Variants in IPO8 observed in about 807,000 individuals in gnomAD.
IPO8 encodes importin 8.
Under a neutral mutation model 141.2 loss-of-function variants are expected in IPO8, and 65 were observed. The observed-to-expected ratio is 0.46, with a 90% CI of 0.38 to 0.57. IPO8 has a LOEUF of 0.57. Ranked by LOEUF, IPO8 falls within the 20% of genes least tolerant of loss-of-function variation. The pLI, the probability that IPO8 is intolerant of heterozygous loss-of-function variation, is 0.00. For synonymous variants in IPO8, 411 were observed against 420.3 expected (o/e 0.98, Z 0.27); for missense variants, 980 against 1,246.8 (o/e 0.79, Z 3.22).
At chr12:30,654,764 A>T (rs2052776110) in intron 17 of IPO8, among the ~76,000 whole-genome samples, 1 of 152,152 alleles carries the variant, frequency 6.6e-6, no homozygotes, top group Non-Finnish European at 1.5e-5. Context: ...GAGAGAGTAA[A>T]AACAGCCACT....
rs2052807685 is a variant in IPO8, at chr12:30,656,831, A to G, written c.1882-81T>C. On this transcript the variant is annotated intron_variant, in intron 16 of 24. Transcript: ENST00000256079. ...TAATATTGTGCCAATAAAAATATCAAGAGGACATTTTTGAGACGGTAACTT... is the reference window on the plus strand; with the variant it reads ...TAATATTGTGCCAATAAAAATATCAGGAGGACATTTTTGAGACGGTAACTT... 6 of 656,092 alleles carry G rather than the reference A, an allele frequency of 9.1e-6. No individual in the cohort carries two copies. In the East Asian group the frequency reaches 2.0e-4, roughly 22 times the overall value. The allele number at this position is 656,092 out of a possible 1,614,324, so 40.6% of individuals were successfully genotyped here.
rs750941795 is a variant in IPO8, at chr12:30,673,998, T to C, written c.901A>G (p.Ile301Val). Residue 301 changes from isoleucine to valine, a missense_variant, in exon 8 of 25, where the codon ATT (isoleucine) becomes GTT (valine). This residue lies in a region of IPO8 where 924 missense variants were observed against 1,153.9 expected (regional missense o/e 0.80). Transcript: ENST00000256079. ...EFFLKTYAVG[I>V]QQVLLKILDQ... ...AAGCATAAGTTTATTACCTGCTGAA[T>C]GCCCACTGCATAGGTTTTCAAAAAG... 7.6e-6 allele frequency: 12 copies of C among 1,568,796 alleles called. No homozygotes were observed. Among genetic ancestry groups the C allele is most frequent in the Non-Finnish European group, 1.0e-5 (12 of 1,146,308 alleles).
Position 30,637,145 on chromosome 12 carries a change from A to G in IPO8, c.2532T>C (p.Leu844=), listed in dbSNP as rs1466253699. 1.3e-5 allele frequency: 21 copies of G among 1,613,784 alleles called. No individual in the cohort carries two copies. The highest frequency in any genetic ancestry group is 1.7e-5 in the Non-Finnish European group (20 of 1,179,922). Residue 844 remains leucine, a synonymous_variant, in exon 22 of 25, where the codon CTT becomes CTC. Transcript: ENST00000256079. ...RKMCIIGLSI[L]LELQNRPPAV... ...CAGGAGGTCGATTTTGCAATTCCAA[A>G]AGGATACTCAGTCCTATTATACACA... is the stretch of plus-strand genomic sequence containing the variant.
chr12:30,663,652 A>T lies in IPO8; in HGVS notation c.1431T>A (p.Ser477=). 1 of 1,600,330 alleles carries T rather than the reference A, an allele frequency of 6.2e-7. No homozygotes were observed. Among genetic ancestry groups the T allele is most frequent in the South Asian group, 1.1e-5 (1 of 88,694 alleles). ...LSNLGYLRAR[S]CWVLHAFSSL... ...AACTAAATGCATGAAGTACCCAGCAAGACTGTATTATTAAAAAAGGTAAGT... is the reference window on the plus strand; with the variant it reads ...AACTAAATGCATGAAGTACCCAGCATGACTGTATTATTAAAAAAGGTAAGT... Residue 477 remains serine, a splice_region_variant and synonymous_variant, in exon 14 of 25, where the codon TCT becomes TCA. Coordinates refer to ENST00000256079, the MANE Select transcript of IPO8 (RefSeq NM_006390.4).
chr12:30,680,416 G>A, intron 5 of IPO8, 66 bp downstream of exon 5: 1 of 1,232,364 alleles, frequency 8.1e-7, no homozygotes, highest in South Asian at 1.5e-5. Flanking sequence ...GACACTTATT[G>A]AGCACTTTCC....
At chr12:30,657,225 T>C (rs1045042424) in intron 16 of IPO8, among the ~76,000 whole-genome samples, 4 of 152,194 alleles carry the variant, frequency 2.6e-5, no homozygotes, top group Non-Finnish European at 5.9e-5. Context: ...AAATTCCCCT[T>C]ACATAAAATT....
intron 19 of IPO8, among the ~76,000 whole-genome samples, chr12:30,650,778 T>C (rs186470184): frequency 4.3e-4 from 66 of 152,224 alleles, no homozygotes; most frequent in Admixed American, 1.4e-3. Context: ...TTAAATAGGC[T>C]CTGGAGTCAG....
intron 1 of IPO8, among the ~76,000 whole-genome samples, chr12:30,691,630 G>A (rs1024652813): frequency 2.0e-5 from 3 of 152,168 alleles, no homozygotes; most frequent in African/African-American, 7.2e-5. Context: ...ATTCCAGTGA[G>A]GCCAAACCAG....
At chr12:30,645,347 T>C (rs2052630298) in intron 20 of IPO8, among the ~76,000 whole-genome samples, 1 of 145,982 alleles carries the variant, frequency 6.9e-6, no homozygotes, top group Admixed American at 6.9e-5. Context: ...CACTCCAGCC[T>C]GGGTAACACA....
chr12:30,644,691 T>C (rs2052619716), intron 20 of IPO8, among the ~76,000 whole-genome samples: 1 of 149,774 alleles, frequency 6.7e-6, no homozygotes, highest in Non-Finnish European at 1.5e-5. Context: ...ATTTTGCTCA[T>C]CACCCAGGCT....
At chr12:30,669,922 T>C (rs1207162144) in intron 9 of IPO8, among the ~76,000 whole-genome samples, 1 of 152,192 alleles carries the variant, frequency 6.6e-6, no homozygotes, top group Non-Finnish European at 1.5e-5. Flanking sequence ...AACAACAATT[T>C]ATATAAAAAC....
rs1412942929 is a variant in IPO8 at position 30,634,121 on chromosome 12, C to A, written c.2861G>T (p.Ser954Ile). ...TGTAAAAAACTGATATTCATCCACA[C>A]TATTGTCAAGGTCAAGTGGAGTACT... The part of the protein sequence containing the change: ...GFSTPLDLDN[S>I]VDEYQFFTQA... Residue 954 changes from serine (S) to isoleucine (I), a missense_variant, in exon 23 of 25, where the codon AGT (serine) becomes ATT (isoleucine). Around this residue, in one of 3 missense-constraint regions of IPO8, gnomAD observed 924 missense variants for 1,153.9 expected, o/e 0.80. Transcript: ENST00000256079. The A allele has an allele frequency of 6.2e-7, 1 of 1,613,842 alleles. No homozygotes were observed.
At chr12:30,652,120 A>C (rs2052735415) in intron 19 of IPO8, 72 bp downstream of exon 19, 2 of 793,142 alleles carry the variant, frequency 2.5e-6, no homozygotes, top group South Asian at 3.2e-5. Context: ...AACAAACTGA[A>C]AAAGTATCCT....
intron 1 of IPO8, among the ~76,000 whole-genome samples, chr12:30,693,871 C>G (rs2053313584): frequency 6.6e-6 from 1 of 152,098 alleles, no homozygotes; most frequent in Non-Finnish European, 1.5e-5. Flanking sequence ...GAACTACCAT[C>G]AAGAGTCTAC....
rs770061286 is a variant in IPO8 at position 30,684,463 on chromosome 12, T to G, written c.167-6A>C. ...GTTCTTCAGGTAAATGGCAGCTGAG[T>G]TTGAGAAAAAATGCTAATGTAGCAG... On this transcript the variant is annotated splice_region_variant and splice_polypyrimidine_tract_variant and intron_variant, in intron 2 of 24. Coordinates refer to ENST00000256079, the MANE Select transcript of IPO8 (RefSeq NM_006390.4). 2.1e-5 allele frequency: 34 copies of G among 1,612,278 alleles called. No individual in the cohort carries two copies. The highest frequency in any genetic ancestry group is 2.7e-5 in the Non-Finnish European group (32 of 1,179,450).
intron 21 of IPO8, 94 bp downstream of exon 21, chr12:30,639,421 T>C: frequency 5.2e-6 from 4 of 771,122 alleles, no homozygotes; most frequent in Non-Finnish European, 8.6e-6. Context: ...TCCTAAGACA[T>C]GAAAATTATC....
intron 8 of IPO8, among the ~76,000 whole-genome samples, chr12:30,671,674 C>CAAGAAAAAAAAAAAA (rs1491502989): frequency 1.8e-5 from 1 of 56,476 alleles, no homozygotes. Context: ...GACTCTGCCT[C>CAAGAAAAAAAAAAAA]AAAAAAAAAA....
chr12:30,694,184 C>A (rs548211237), intron 1 of IPO8, among the ~76,000 whole-genome samples: 33 of 152,332 alleles, frequency 2.2e-4, no homozygotes, highest in African/African-American at 7.0e-4. Flanking sequence ...TTCTTCCTAA[C>A]TAACCCCTGG....
intron 19 of IPO8, among the ~76,000 whole-genome samples, chr12:30,650,674 TA>T (rs1382919037): frequency 6.6e-6 from 1 of 152,036 alleles, no homozygotes; most frequent in Non-Finnish European, 1.5e-5. Context: ...AAAAGAAAAA[TA>T]ATTACTCCCT....
Sources: gnomAD v4.1 joint callset for allele counts (sites outside exome capture counted in the v4.1 genomes callset) on GRCh38, gnomAD v4.1.1 for gene constraint, gnomAD v4.1.1 regional missense constraint, MANE v1.5 for transcripts, NCBI Gene and HGNC (gene_info 2026-07-23, HGNC 2026-07-21) for gene names.